DPP10: variants seen among roughly 807,000 people sequenced by gnomAD.
DPP10 encodes the protein dipeptidyl peptidase like 10.
In DPP10, 33 loss-of-function variants were observed where a neutral mutation model predicts 120.9. The ratio of observed to expected loss-of-function variants is 0.27; its 90% CI spans 0.21 to 0.37. The LOEUF is 0.37. DPP10 is among the 10% of genes least tolerant of loss of function. DPP10 has a pLI of 1.00. For missense variants in DPP10, 816 were observed against 942.8 expected (o/e 0.87, Z 1.76); for synonymous variants, 337 against 326.1 (o/e 1.03, Z -0.36).
intron 1 of DPP10, among the ~76,000 whole-genome samples, chr2:115,016,141 C>G (rs1267061448): frequency 6.6e-6 from 1 of 152,068 alleles, no homozygotes; most frequent in East Asian, 1.9e-4. Context: ...GGGATTGGTA[C>G]CAAAACAGAT....
intron 1 of DPP10, among the ~76,000 whole-genome samples, chr2:114,547,963 T>A (rs1301578137): frequency 6.6e-6 from 1 of 152,114 alleles, no homozygotes; most frequent in East Asian, 1.9e-4. Context: ...GCTGGTGCCT[T>A]CTTCTGATAG....
At chr2:114,533,916 C>T (rs1344262057) in intron 1 of DPP10, among the ~76,000 whole-genome samples, 1 of 152,154 alleles carries the variant, frequency 6.6e-6, no homozygotes, top group Non-Finnish European at 1.5e-5. Context: ...CATCTAAAAA[C>T]TCTTGTCATT....
At chr2:115,090,764 T>A (rs766032808) in intron 1 of DPP10, among the ~76,000 whole-genome samples, 1 of 151,912 alleles carries the variant, frequency 6.6e-6, no homozygotes, top group Non-Finnish European at 1.5e-5. Context: ...AGTTTCTGTG[T>A]TGGGGAGAAG....
At position 114,525,168 on chromosome 2, in the gene DPP10, G is replaced by T. The variant is rs77202763; in HGVS notation, c.60+82330G>T. On this transcript the variant is annotated intron_variant, in intron 1 of 25. Coordinates refer to ENST00000410059, the MANE Select transcript of DPP10 (RefSeq NM_020868.6). ...TCCTTTATATTGTATTAGAAATAAA[G>T]AATTGGTTAAACTCAAAATAAATAG... Among the ~76,000 whole-genome samples, 422 of 152,234 alleles carry T rather than the reference G, an allele frequency of 2.8e-3. 21 individuals carry two copies. The East Asian group carries it at 0.068, about 25-fold the overall frequency.
In DPP10 at chr2:115,785,004, A is replaced by C. The variant is rs145894701; in HGVS notation, c.1531+2605A>C. On this transcript the variant is annotated intron_variant, in intron 17 of 25. Coordinates refer to ENST00000410059, the MANE Select transcript of DPP10 (RefSeq NM_020868.6). ...TGGAATATTACTCAGTGCCCTGGGC[A>C]TCTTCCATCTGTTTTTCCAGAACCA... 9.6e-4 allele frequency among the ~76,000 whole-genome samples: 146 copies of C among 152,358 alleles called. 1 individual carries two copies. Among genetic ancestry groups the C allele is most frequent in the African/African-American group, 3.3e-3 (138 of 41,590 alleles).
intron 1 of DPP10, among the ~76,000 whole-genome samples, chr2:115,200,880 A>T (rs552477783): frequency 6.6e-6 from 1 of 152,328 alleles, no homozygotes; most frequent in African/African-American, 2.4e-5. Context: ...GTTCCTGAAG[A>T]CTTCAGAGTT....
chr2:115,096,508 A>T (rs539868001), intron 1 of DPP10, among the ~76,000 whole-genome samples: 1 of 152,280 alleles, frequency 6.6e-6, no homozygotes. Flanking sequence ...GTCAAAAGGA[A>T]TAAAAGCCAC....
intron 1 of DPP10, among the ~76,000 whole-genome samples, chr2:115,307,230 T>C (rs2061393461): frequency 6.6e-6 from 1 of 152,108 alleles, no homozygotes; most frequent in African/African-American, 2.4e-5. Flanking sequence ...CTATTATTAC[T>C]CTTTGTTAGA....
intron 5 of DPP10, among the ~76,000 whole-genome samples, chr2:115,545,657 T>A (rs1472374418): frequency 6.6e-6 from 1 of 152,138 alleles, no homozygotes; most frequent in African/African-American, 2.4e-5. Flanking sequence ...ATTTGCTAAT[T>A]ATTTTCAATC....
chr2:114,908,385 G>C (rs749785558), intron 1 of DPP10, among the ~76,000 whole-genome samples: 2 of 151,610 alleles, frequency 1.3e-5, no homozygotes. Context: ...TTGTTTCTCT[G>C]TTCCCCCATA....
At chr2:115,286,081 T>C (rs2060351572) in intron 1 of DPP10, among the ~76,000 whole-genome samples, 1 of 151,972 alleles carries the variant, frequency 6.6e-6, no homozygotes. Context: ...GTATTTACTC[T>C]TTTTCATTAC....
chr2:115,464,734 C>G (rs1202144959), intron 3 of DPP10, among the ~76,000 whole-genome samples: 1 of 152,128 alleles, frequency 6.6e-6, no homozygotes. Flanking sequence ...GGATTCCAGA[C>G]AGGTATAATA....
At chr2:115,750,504 T>C (rs1183168663) in intron 10 of DPP10, among the ~76,000 whole-genome samples, 5 of 152,226 alleles carry the variant, frequency 3.3e-5, no homozygotes, top group Non-Finnish European at 7.3e-5. Flanking sequence ...GTGTTTACCA[T>C]GTGCAAGGTC....
At chr2:115,369,359 C>T (rs970571854) in intron 3 of DPP10, among the ~76,000 whole-genome samples, 2 of 152,158 alleles carry the variant, frequency 1.3e-5, no homozygotes, top group South Asian at 2.1e-4. Context: ...AAAAAGGCAT[C>T]TGCTTTATGT....
At chr2:115,309,147 C>G in intron 1 of DPP10, 92 bp from the exon 2 acceptor site, 8 of 936,618 alleles carry the variant, frequency 8.5e-6, no homozygotes, top group Non-Finnish European at 1.3e-5. Flanking sequence ...AGCTTTCAAA[C>G]TGTGATTGTG....
At chr2:115,266,469 A>G (rs1039238793) in intron 1 of DPP10, among the ~76,000 whole-genome samples, 1 of 152,170 alleles carries the variant, frequency 6.6e-6, no homozygotes, top group African/African-American at 2.4e-5. Context: ...ATTGAATAGT[A>G]CTTTAACTCA....
chr2:114,791,938 C>A (rs578176942), intron 1 of DPP10, among the ~76,000 whole-genome samples: 1 of 152,332 alleles, frequency 6.6e-6, no homozygotes, highest in East Asian at 1.9e-4. Context: ...AGCCTTCGCA[C>A]TTTTCTTCTA....
At chr2:115,376,746 C>A (rs1421980874) in intron 3 of DPP10, among the ~76,000 whole-genome samples, 2 of 147,938 alleles carry the variant, frequency 1.4e-5, no homozygotes, top group African/African-American at 2.5e-5. Flanking sequence ...GTTCCTCTTC[C>A]TGTGTCCATG....
In DPP10 at chr2:114,780,557, T is replaced by A. The variant is rs553757607; in HGVS notation, c.60+337719T>A. On this transcript the variant is annotated intron_variant, in intron 1 of 25. Coordinates refer to ENST00000410059, the MANE Select transcript of DPP10 (RefSeq NM_020868.6). ...GATTTATTTATTTGTTATCACTAAATTCCATTTAAATTTTACAATAGCTAT... is the reference window on the plus strand; with the variant it reads ...GATTTATTTATTTGTTATCACTAAAATCCATTTAAATTTTACAATAGCTAT... Among the ~76,000 whole-genome samples, 235 of 152,250 alleles carry A rather than the reference T, an allele frequency of 1.5e-3. 1 individual carries two copies. The highest frequency in any genetic ancestry group is 5.3e-3 in the African/African-American group (219 of 41,588).
Sources: allele counts gnomAD v4.1 joint callset (sites outside exome capture counted in the v4.1 genomes callset), GRCh38; gene constraint gnomAD v4.1.1; transcripts MANE v1.5; gene names NCBI Gene and HGNC (gene_info 2026-07-23, HGNC 2026-07-21).